Variants in SNX8 observed in about 807,000 individuals in gnomAD.
SNX8 encodes the protein sorting nexin-8.
Under a neutral mutation model 51.6 loss-of-function variants are expected in SNX8, and 25 were observed. The observed-to-expected ratio is 0.48, with a 90% CI of 0.35 to 0.68. SNX8 has a LOEUF of 0.68. Among genes scored for constraint, SNX8 ranks in the 30% least tolerant of loss-of-function variants. The pLI is 0.00. For synonymous variants in SNX8, 324 were observed against 277.0 expected, an observed-to-expected ratio of 1.17 and a Z score of -1.68; for missense variants, 695 against 624.0, an observed-to-expected ratio of 1.11 and a Z score of -1.21.
chr7:2,299,703 T>C (rs1796350730), intron 1 of SNX8, among the ~76,000 whole-genome samples: 1 of 152,118 alleles, frequency 6.6e-6, no homozygotes, highest in African/African-American at 2.4e-5. Flanking sequence ...TCCTCCTGGC[T>C]GGTGGTTGGT....
At chr7:2,343,659 A>C (rs1778972066) in intron 1 of SNX8, among the ~76,000 whole-genome samples, 1 of 152,140 alleles carries the variant, frequency 6.6e-6, no homozygotes, top group Non-Finnish European at 1.5e-5. Context: ...TAGGCGACAG[A>C]GTAAGATCCA....
At chr7:2,337,295 C>T (rs967631084) in intron 1 of SNX8, 1 of 151,942 alleles carries the variant, frequency 6.6e-6, no homozygotes, top group South Asian at 2.1e-4. Context: ...AAAAGTAAAA[C>T]AATTAGTGAG....
At chr7:2,293,739 C>T (rs1391724990) in intron 1 of SNX8, among the ~76,000 whole-genome samples, 38 of 138,662 alleles carry the variant, frequency 2.7e-4, no homozygotes, top group East Asian at 1.1e-3. Context: ...CTGAGGCGGG[C>T]GGATCACGAG....
At chr7:2,350,617 T>G (rs1371882095) in intron 1 of SNX8, among the ~76,000 whole-genome samples, 4 of 152,022 alleles carry the variant, frequency 2.6e-5, no homozygotes, top group Non-Finnish European at 5.9e-5. Flanking sequence ...CAGCTTGGGC[T>G]AACAGTGAGA....
chr7:2,336,432 G>A (rs1187726044), intron 1 of SNX8, among the ~76,000 whole-genome samples: 5 of 151,870 alleles, frequency 3.3e-5, no homozygotes, highest in Admixed American at 6.6e-5. Flanking sequence ...AAAAATGCTG[G>A]GCGTGGTGGC....
At position 2,302,065 on chromosome 7, in the gene SNX8, A is replaced by G. The variant is rs1796407265; in HGVS notation, c.94+12263T>C. On this transcript the variant is annotated intron_variant, in intron 1 of 10. Coordinates refer to ENST00000222990, the MANE Select transcript of SNX8 (RefSeq NM_013321.4). The stretch of plus-strand genomic sequence containing the variant: ...AGACCATCCTGGCTAACACGGTGAA[A>G]CTTCATCTCTATTAAAAAAAAATAC... Among the ~76,000 whole-genome samples, 4 of 151,566 alleles carry G rather than the reference A, an allele frequency of 2.6e-5. No individual in the cohort carries two copies. The South Asian group carries it at 8.3e-4, about 32-fold the overall frequency.
intron 8 of SNX8, 79 bp downstream of exon 8, chr7:2,257,656 C>G: frequency 6.4e-7 from 1 of 1,573,146 alleles, no homozygotes; most frequent in African/African-American, 1.3e-5. Flanking sequence ...TCTTCCGTCC[C>G]CCAGGAGTTA....
At chr7:2,290,660 G>A (rs1391144374) in intron 1 of SNX8, among the ~76,000 whole-genome samples, 1 of 152,232 alleles carries the variant, frequency 6.6e-6, no homozygotes, top group East Asian at 1.9e-4. Context: ...CAGGGCAACA[G>A]CCGCATGCCC....
chr7:2,323,445 A>G (rs1778571140), intron 1 of SNX8, among the ~76,000 whole-genome samples: 2 of 152,138 alleles, frequency 1.3e-5, no homozygotes, highest in Non-Finnish European at 2.9e-5. Flanking sequence ...AGGATAGGCT[A>G]TATCATGCTG....
chr7:2,351,421 G>A (rs942441937), intron 1 of SNX8, among the ~76,000 whole-genome samples: 22 of 152,138 alleles, frequency 1.4e-4, no homozygotes, highest in Non-Finnish European at 3.1e-4. Context: ...ATGTGGTGGT[G>A]TGGATCTGTA....
chr7:2,314,078 C>G (rs1037536566), intron 1 of SNX8, among the ~76,000 whole-genome samples: 8 of 152,192 alleles, frequency 5.3e-5, no homozygotes, highest in Non-Finnish European at 1.0e-4. Flanking sequence ...GTAACCTGGA[C>G]AGGGCTCTCC....
chr7:2,338,443 CAGAG>C (rs376791668), intron 1 of SNX8, among the ~76,000 whole-genome samples: 4 of 145,102 alleles, frequency 2.8e-5, no homozygotes, highest in African/African-American at 1.0e-4. Context: ...GCCTGGGCGA[CAGAG>C]AGAGACTGTG....
At chr7:2,296,957 G>T (rs1246104329) in intron 1 of SNX8, among the ~76,000 whole-genome samples, 1 of 151,614 alleles carries the variant, frequency 6.6e-6, no homozygotes, top group Non-Finnish European at 1.5e-5. Context: ...TATACAAATG[G>T]CCAAAAAATA....
At chr7:2,285,961 G>A (rs887285164) in intron 1 of SNX8, among the ~76,000 whole-genome samples, 24 of 151,752 alleles carry the variant, frequency 1.6e-4, no homozygotes, top group Non-Finnish European at 5.9e-5. Flanking sequence ...GGGATTACAG[G>A]CGTGAGCCAT....
chr7:2,351,005 A>G (rs1779126719), intron 1 of SNX8, among the ~76,000 whole-genome samples: 3 of 152,096 alleles, frequency 2.0e-5, no homozygotes, highest in Admixed American at 1.3e-4. Context: ...TATAGTCTCA[A>G]CTACTCAGGA....
chr7:2,306,801 C>G (rs1796554144), intron 1 of SNX8, among the ~76,000 whole-genome samples: 1 of 152,128 alleles, frequency 6.6e-6, no homozygotes, highest in Non-Finnish European at 1.5e-5. Flanking sequence ...TCTGAAAGCA[C>G]CAATTCACAC....
chr7:2,275,087 C>A lies in SNX8; in HGVS notation c.418+25G>T, dbSNP rs138245687. 17 of 1,518,960 alleles carry A rather than the reference C, an allele frequency of 1.1e-5. No homozygotes were observed. In the African/African-American group the frequency reaches 2.2e-4, roughly 20 times the overall value. The allele number at this position is 1,518,960 out of a possible 1,614,324, so 94.1% of individuals were successfully genotyped here. ...GAGATGGGCTCGCTCCCTCCGCCCC[C>A]GGTGGGCAGCACGCCTGGCTTTACC... is the stretch of plus-strand genomic sequence containing the variant. On this transcript the variant is annotated intron_variant, in intron 3 of 10. Transcript: ENST00000222990.
intron 1 of SNX8, among the ~76,000 whole-genome samples, chr7:2,346,887 G>A (rs10447599): frequency 6.9e-6 from 1 of 144,056 alleles, no homozygotes; most frequent in Non-Finnish European, 1.5e-5. Flanking sequence ...ACCACTGTAC[G>A]CCAGCCTGGG....
intron 4 of SNX8, among the ~76,000 whole-genome samples, chr7:2,270,314 C>CAAAAAAAAAAAAAAAAA (rs57983721): frequency 1.8e-5 from 1 of 57,088 alleles, no homozygotes; most frequent in African/African-American, 7.8e-5. Context: ...TCTCATTTTA[C>CAAAAAAAAAAAAAAAAA]AAAAAAAAAA....
Sources: allele counts gnomAD v4.1 joint callset (sites outside exome capture counted in the v4.1 genomes callset), GRCh38; gene constraint gnomAD v4.1.1; transcripts MANE v1.5; gene names NCBI Gene and HGNC (gene_info 2026-07-23, HGNC 2026-07-21).